Variants in AVPR2 observed in about 807,000 individuals in gnomAD.
The protein encoded by AVPR2 is vasopressin V2 receptor.
In AVPR2, 3 loss-of-function variants were observed where a neutral mutation model predicts 12.0. The ratio of observed to expected loss-of-function variants is 0.25; its 90% CI spans 0.11 to 0.64. AVPR2 has a LOEUF of 0.64. Among genes scored for constraint, AVPR2 ranks in the 30% least tolerant of loss-of-function variants. The pLI is 0.84. For synonymous variants in AVPR2, 143 were observed against 147.5 expected (o/e 0.97, Z 0.22); for missense variants, 279 against 347.9 (o/e 0.80, Z 1.58).
upstream of AVPR2, among the ~76,000 whole-genome samples, chrX:153,904,225 TGTCCCTC>T (rs1156556825): frequency 8.9e-6 from 1 of 111,781 alleles, no homozygotes; most frequent in Non-Finnish European, 1.9e-5. Flanking sequence ...CTCCCTTTCC[TGTCCCTC>T]GTCTCCGGCC....
At chrX:153,905,405 G>C in intron 2 of AVPR2, 127 bp from the exon 3 acceptor site, 2 of 849,502 alleles carry the variant, frequency 2.4e-6, no homozygotes, top group Non-Finnish European at 3.4e-6. Context: ...CTCATAACAT[G>C]GCTTTCCTGG....
In AVPR2 at chrX:153,906,839, G is replaced by A. The variant is rs1330941142; in HGVS notation, c.*111G>A. On this transcript the variant is annotated 3_prime_UTR_variant, in exon 4 of 4. Transcript: ENST00000646375. The stretch of plus-strand genomic sequence containing the variant: ...ACCCGTGGAGAATTGGCCAGAGCCT[G>A]TGGCCCCGAGGCTGGGACACTGTGT... 1.2e-6 allele frequency: 1 copy of A among 823,032 alleles called. No individual in the cohort carries two copies. Among genetic ancestry groups the A allele is most frequent in the African/African-American group, 2.0e-5 (1 of 49,488 alleles). The allele number at this position is 823,032 out of a possible 1,213,427, so 67.8% of individuals were successfully genotyped here. A position where few individuals can be genotyped will look rare whatever the true frequency, so the allele number is the denominator to read the frequency against.
Position 153,906,527 on chromosome X carries a change from G to A in AVPR2, c.915G>A (p.Ala305=), listed in dbSNP as rs782316511. Residue 305 remains alanine (A), a synonymous_variant, in exon 4 of 4, where the codon GCG becomes GCA. Transcript: ENST00000646375. ...CTAGATCCTCCACCTCCACAGGGGC[G>A]CCCTTTGTGCTACTCATGTTGCTGG... The part of the protein sequence containing the change: ...AWDPEAPLEG[A]PFVLLMLLAS... 10 of 1,205,955 alleles carry A rather than the reference G, an allele frequency of 8.3e-6. No individual in the cohort carries two copies. The highest frequency in any genetic ancestry group is 1.0e-5 in the Non-Finnish European group (9 of 893,040).
chrX:153,904,921 T>C, intron 1 of AVPR2, 53 bp from the exon 2 acceptor site: 2 of 494,329 alleles, frequency 4.0e-6, no homozygotes, highest in African/African-American at 2.3e-5. Flanking sequence ...TGGGGGATCC[T>C]GGGTTCTGTG....
In AVPR2 at chrX:153,906,692, C is replaced by T. The variant is rs782256487; in HGVS notation, c.1080C>T (p.Thr360=). The change falls in exon 4 of 4, where the codon ACC becomes ACT. Residue 360 remains threonine (T), a synonymous_variant. Coordinates refer to ENST00000646375, the MANE Select transcript of AVPR2 (RefSeq NM_000054.7). ...SLGPQDESCT[T]ASSSLAKDTS... is the part of the protein sequence containing the mutation. ...GTCCCCAAGATGAGTCCTGCACCAC[C>T]GCCAGCTCCTCCCTGGCCAAGGACA... 1.1e-5 allele frequency: 13 copies of T among 1,212,091 alleles called. No homozygotes were observed. The highest frequency in any genetic ancestry group is 3.5e-5 in the South Asian group (2 of 57,036).
intron 1 of AVPR2, 81 bp from the exon 2 acceptor site, chrX:153,904,893 C>G: frequency 2.2e-6 from 1 of 464,623 alleles, no homozygotes; most frequent in South Asian, 3.0e-5. Context: ...CTCCCAAACC[C>G]GGGACTCATG....
At chrX:153,902,635 C>T (rs781848008), upstream of AVPR2, 87 of 328,635 alleles carry the variant, frequency 2.6e-4, no homozygotes, top group African/African-American at 1.9e-3. Context: ...AGTTCCTCCC[C>T]GGGGTCCTGG....
At chrX:153,903,486 CAT>C (rs1273657033), upstream of AVPR2, among the ~76,000 whole-genome samples, 2 of 19,398 alleles carry the variant, frequency 1.0e-4, no homozygotes, top group Non-Finnish European at 2.2e-4. Flanking sequence ...GTGATGTGTG[CAT>C]GTGTGTGGTG....
chrX:153,906,708 G>C lies in AVPR2; in HGVS notation c.1096G>C (p.Ala366Pro). The change falls in exon 4 of 4, where the codon GCC (alanine) becomes CCC (proline). Residue 366 changes from alanine (A) to proline (P), a missense_variant. Transcript: ENST00000646375. ...ESCTTASSSLAKDTSS is the reference protein window; with the variant it reads ...ESCTTASSSLPKDTSS The stretch of plus-strand genomic sequence containing the variant: ...CTGCACCACCGCCAGCTCCTCCCTG[G>C]CCAAGGACACTTCATCGTGAGGAGC... 8.3e-7 allele frequency: 1 copy of C among 1,211,544 alleles called. No individual in the cohort carries two copies. Among genetic ancestry groups the C allele is most frequent in the Non-Finnish European group, 1.1e-6 (1 of 895,031 alleles).
At position 153,904,965 on chromosome X, in the gene AVPR2, C is replaced by T. The variant is rs1557100205; in HGVS notation, c.-172-9C>T. The T allele has an allele frequency of 1.7e-6, 1 of 572,778 alleles. No individual in the cohort carries two copies. Among genetic ancestry groups the T allele is most frequent in the Admixed American group, 2.6e-5 (1 of 37,757 alleles). 47.2% of individuals were successfully genotyped at this position (572,778 alleles called of 1,213,427 possible). ...TGTCTGACCATCCCTCTCAATCTTC[C>T]CTGCCCAGGACTGGCCATACTGCCA... On this transcript the variant is annotated splice_polypyrimidine_tract_variant and intron_variant, in intron 1 of 3. Coordinates refer to ENST00000646375, the MANE Select transcript of AVPR2 (RefSeq NM_000054.7).
Position 153,905,063 on chromosome X carries a change from T to G in AVPR2, c.-83T>G. 1 of 1,173,858 alleles carries G rather than the reference T, an allele frequency of 8.5e-7. No homozygotes were observed. Among genetic ancestry groups the G allele is most frequent in the Admixed American group, 2.2e-5 (1 of 46,096 alleles). ...TATAAGGGCTCCAGTCCAGAGACCCTGGGCCATTGAACTTGCTCCTCAGGC... is the reference window on the plus strand; with the variant it reads ...TATAAGGGCTCCAGTCCAGAGACCCGGGGCCATTGAACTTGCTCCTCAGGC... On this transcript the variant is annotated 5_prime_UTR_variant, in exon 2 of 4. Transcript: ENST00000646375.
In AVPR2 at chrX:153,905,600, C is replaced by T. The variant is rs1276736538; in HGVS notation, c.94C>T (p.Arg32Trp). The part of the protein sequence containing the change: ...NSSQERPLDT[R>W]DPLLARAELA... ...CAGCCAGGAGAGGCCACTGGACACC[C>T]GGGACCCGCTGCTAGCCCGGGCGGA... Residue 32 changes from arginine to tryptophan, a missense_variant, in exon 3 of 4, where the codon CGG becomes TGG. Arg to Trp is a moderately radical substitution (Grantham distance 101, BLOSUM62 -3). Coordinates refer to ENST00000646375, the MANE Select transcript of AVPR2 (RefSeq NM_000054.7). The T allele has an allele frequency of 2.5e-6, 3 of 1,206,274 alleles. No homozygotes were observed. Among genetic ancestry groups the T allele is most frequent in the Non-Finnish European group, 3.4e-6 (3 of 893,292 alleles).
intron 1 of AVPR2, 51 bp downstream of exon 1, chrX:153,904,822 G>T: frequency 2.5e-6 from 1 of 398,140 alleles, no homozygotes; most frequent in Non-Finnish European, 4.5e-6. Flanking sequence ...GCCCTCGGAT[G>T]GTGGCCTCTC....
At chrX:153,903,611 G>C (rs2064944792), upstream of AVPR2, among the ~76,000 whole-genome samples, 1 of 111,473 alleles carries the variant, frequency 9.0e-6, no homozygotes, top group Non-Finnish European at 1.9e-5. Flanking sequence ...GGTGTGGTGT[G>C]TGCGCTGTCT....
In AVPR2 at chrX:153,905,182, C is replaced by A. The variant is rs782629212; in HGVS notation, c.25+12C>A. 1 of 1,211,894 alleles carries A rather than the reference C, an allele frequency of 8.3e-7. No homozygotes were observed. Among genetic ancestry groups the A allele is most frequent in the Non-Finnish European group, 1.1e-6 (1 of 895,313 alleles). On this transcript the variant is annotated intron_variant, in intron 2 of 3. Coordinates refer to ENST00000646375, the MANE Select transcript of AVPR2 (RefSeq NM_000054.7). ...GTCCACCACTTCCGGTAAGGCTTGC[C>A]CCTCCATGAGTCCGGTGGGCAGAGT...
chrX:153,906,816 C>A lies in AVPR2; in HGVS notation c.*88C>A. On this transcript the variant is annotated 3_prime_UTR_variant, in exon 4 of 4. Transcript: ENST00000646375. ...TCCTGGGAGCCACTGGGAGGGGGAC[C>A]CGTGGAGAATTGGCCAGAGCCTGTG... 1.0e-6 allele frequency: 1 copy of A among 978,011 alleles called. No homozygotes were observed. The highest frequency in any genetic ancestry group is 1.4e-6 in the Non-Finnish European group (1 of 699,940). The allele number at this position is 978,011 out of a possible 1,213,427, so 80.6% of individuals were successfully genotyped here. A position where few individuals can be genotyped will look rare whatever the true frequency, so the allele number is the denominator to read the frequency against.
upstream of AVPR2, among the ~76,000 whole-genome samples, chrX:153,904,503 C>T (rs782205759): frequency 8.9e-6 from 1 of 111,845 alleles, no homozygotes; most frequent in South Asian, 3.7e-4. Flanking sequence ...ACAATCCAAC[C>T]AGGGGGGCGT....
In AVPR2 at chrX:153,905,651, G is replaced by A. The variant is rs2064958244; in HGVS notation, c.145G>A (p.Val49Met). The change falls in exon 3 of 4, where the codon GTG becomes ATG. Residue 49 changes from valine (V) to methionine (M), a missense_variant. Physicochemically the swap from Val to Met is conservative, Grantham distance 21. Transcript: ENST00000646375. The part of the protein sequence containing the change: ...AELALLSIVF[V>M]AVALSNGLVL... Reference sequence around the variant, plus strand: ...GCTGGCGCTGCTCTCCATAGTCTTTGTGGCTGTGGCCCTGAGCAATGGCCT... The same window carrying A: ...GCTGGCGCTGCTCTCCATAGTCTTTATGGCTGTGGCCCTGAGCAATGGCCT... The A allele has an allele frequency of 8.3e-7, 1 of 1,210,531 alleles. No homozygotes were observed. The highest frequency in any genetic ancestry group is 2.2e-5 in the Admixed American group (1 of 46,035).
At position 153,906,019 on chromosome X, in the gene AVPR2, C is replaced by T. The variant is rs782601647; in HGVS notation, c.513C>T (p.Ser171=). Residue 171 remains serine (S), a synonymous_variant, in exon 3 of 4, where the codon AGC becomes AGT. Transcript: ENST00000646375. ...CTTGGGCCTTCTCGCTCCTTCTCAGCCTGCCCCAGCTCTTCATCTTCGCCC... is the reference window on the plus strand; with the variant it reads ...CTTGGGCCTTCTCGCTCCTTCTCAGTCTGCCCCAGCTCTTCATCTTCGCCC... ...LVAWAFSLLL[S]LPQLFIFAQR... The T allele has an allele frequency of 1.1e-5, 13 of 1,207,500 alleles. No individual in the cohort carries two copies. The South Asian group carries it at 1.8e-4, about 16-fold the overall frequency.
Sources: gnomAD v4.1 joint callset for allele counts (sites outside exome capture counted in the v4.1 genomes callset) on GRCh38, gnomAD v4.1.1 for gene constraint, MANE v1.5 for transcripts, NCBI Gene and HGNC (gene_info 2026-07-23, HGNC 2026-07-21) for gene names.